The following RUVBL1 variants were observed in gnomAD, a reference collection of about 807,000 sequenced individuals.
The protein encoded by RUVBL1 is RuvB like AAA ATPase 1.
A neutral mutation model predicts 52.4 loss-of-function variants in RUVBL1; 4 were observed. The ratio of observed to expected loss-of-function variants is 0.08; its 90% CI spans 0.04 to 0.17. The LOEUF (loss-of-function observed/expected upper bound fraction) is 0.17. Among genes scored for constraint, RUVBL1 ranks in the 10% least tolerant of loss-of-function variants. The probability of loss-of-function intolerance (pLI) is 1.00; values close to 1 mark genes in which losing one functional copy is unlikely to be tolerated. For synonymous variants in RUVBL1, 217 were observed against 214.4 expected (o/e 1.01, Z -0.10); for missense variants, 298 against 572.8 (o/e 0.52, Z 4.90).
chr3:128,069,916 T>TC, intron 9 of RUVBL1: 3 of 454,174 alleles, frequency 6.6e-6, no homozygotes, highest in Non-Finnish European at 7.9e-6. Flanking sequence ...TGGTATAGGA[T>TC]TGTCCCCAAG....
At chr3:128,121,027 C>T (rs1318960926) in intron 1 of RUVBL1, among the ~76,000 whole-genome samples, 1 of 151,966 alleles carries the variant, frequency 6.6e-6, no homozygotes, top group Admixed American at 6.6e-5. Context: ...TATGCTATAT[C>T]CATCCCATTT....
At chr3:128,139,435 C>T (rs989674848) in intron 1 of RUVBL1, among the ~76,000 whole-genome samples, 10 of 152,104 alleles carry the variant, frequency 6.6e-5, no homozygotes, top group African/African-American at 2.4e-4. Context: ...GGCAAGTAGG[C>T]ATATGAAAAG....
At chr3:128,131,776 T>C (rs1368236640) in intron 1 of RUVBL1, among the ~76,000 whole-genome samples, 1 of 152,106 alleles carries the variant, frequency 6.6e-6, no homozygotes, top group Non-Finnish European at 1.5e-5. Flanking sequence ...CAAAATCCAA[T>C]ACACTTTCAT....
intron 1 of RUVBL1, among the ~76,000 whole-genome samples, chr3:128,136,837 G>A (rs1943955441): frequency 6.6e-6 from 1 of 151,804 alleles, no homozygotes; most frequent in African/African-American, 2.4e-5. Context: ...AATGATAAAG[G>A]GACCAATTCA....
chr3:128,074,911 A>G (rs920288781), intron 9 of RUVBL1, among the ~76,000 whole-genome samples: 2 of 151,636 alleles, frequency 1.3e-5, no homozygotes, highest in Non-Finnish European at 2.9e-5. Context: ...AATTATACAC[A>G]TGCTTAACTA....
In RUVBL1 at chr3:128,082,461, C is replaced by G; in HGVS notation, c.1211+22G>C. The G allele has an allele frequency of 6.3e-7, 1 of 1,598,666 alleles. No homozygotes were observed. Among genetic ancestry groups the G allele is most frequent in the African/African-American group, 1.3e-5 (1 of 74,678 alleles). On this transcript the variant is annotated intron_variant, in intron 10 of 10. Coordinates refer to ENST00000322623, the MANE Select transcript of RUVBL1 (RefSeq NM_003707.3). This position sits in a 1 kb window ranked among gnomAD's most constrained non-coding sequence, Gnocchi z 4.7. ...CCTGGCTGTGCTGGGGAGGCCCCGGCGGGCCCAGGGTACCAGCTCACCTCA... is the reference window on the plus strand; with the variant it reads ...CCTGGCTGTGCTGGGGAGGCCCCGGGGGGCCCAGGGTACCAGCTCACCTCA...
exon 1 of RUVBL1, chr3:128,153,714 C>A: frequency 6.3e-7 from 1 of 1,585,648 alleles, no homozygotes; most frequent in Non-Finnish European, 8.5e-7. Flanking sequence ...CGTCTTTGCC[C>A]GAGTTCCAGG....
At position 128,067,696 on chromosome 3, in the gene RUVBL1, A is replaced by C; in HGVS notation, c.940-2476T>G. On this transcript the variant is annotated intron_variant, in intron 9 of 9. Transcript: ENST00000464873. The surrounding 1 kb of genome is among the most constrained non-coding windows in gnomAD (Gnocchi z 4.1). ...TGGACTTGTCACCTCATCATAAATAATGGTCTGTGACGTGTGCAGATAGAT... is the reference window on the plus strand; with the variant it reads ...TGGACTTGTCACCTCATCATAAATACTGGTCTGTGACGTGTGCAGATAGAT... 1 of 1,133,292 alleles carries C rather than the reference A, an allele frequency of 8.8e-7. No homozygotes were observed. Among genetic ancestry groups the C allele is most frequent in the Non-Finnish European group, 1.3e-6 (1 of 783,378 alleles). The allele number at this position is 1,133,292 out of a possible 1,614,324, so 70.2% of individuals were successfully genotyped here.
chr3:128,107,101 T>G (rs1024338218), intron 3 of RUVBL1, among the ~76,000 whole-genome samples: 9 of 152,310 alleles, frequency 5.9e-5, no homozygotes, highest in Admixed American at 5.9e-4. Flanking sequence ...CCCGGTGAAG[T>G]AAGACCACTG....
At chr3:128,148,941 C>A (rs774846388) in intron 1 of RUVBL1, among the ~76,000 whole-genome samples, 1 of 152,030 alleles carries the variant, frequency 6.6e-6, no homozygotes, top group East Asian at 1.9e-4. Context: ...TACAGTTTTT[C>A]ATTATGGAAA....
intron 3 of RUVBL1, among the ~76,000 whole-genome samples, chr3:128,108,293 T>A (rs1943295974): frequency 6.6e-6 from 1 of 152,150 alleles, no homozygotes; most frequent in Non-Finnish European, 1.5e-5. Flanking sequence ...GCCTTTTTAT[T>A]CTCTGGTAGG....
upstream of RUVBL1, among the ~76,000 whole-genome samples, chr3:128,127,775 TC>T (rs1309386846): frequency 6.6e-6 from 1 of 152,170 alleles, no homozygotes; most frequent in East Asian, 1.9e-4. Flanking sequence ...GGTGGGCAGA[TC>T]ACTTGAGGTC....
upstream of RUVBL1, among the ~76,000 whole-genome samples, chr3:128,125,804 C>T (rs1003883974): frequency 3.3e-5 from 5 of 152,174 alleles, no homozygotes; most frequent in African/African-American, 7.2e-5. Context: ...TTGACTTGTT[C>T]CTGGTCATTA....
At chr3:128,105,046 T>C (rs1943191622) in intron 3 of RUVBL1, 122 bp from the exon 4 acceptor site, 1 of 1,008,878 alleles carries the variant, frequency 9.9e-7, no homozygotes, top group African/African-American at 1.6e-5. Context: ...TTCCAGGGTG[T>C]CATGATGGGT....
In RUVBL1 at chr3:128,081,217, G is replaced by T; in HGVS notation, c.*33C>A. 6.2e-7 allele frequency: 1 copy of T among 1,601,286 alleles called. No homozygotes were observed. The highest frequency in any genetic ancestry group is 8.5e-7 in the Non-Finnish European group (1 of 1,171,090). On this transcript the variant is annotated 3_prime_UTR_variant, in exon 11 of 11. Transcript: ENST00000322623. The surrounding 1 kb of genome is among the most constrained non-coding windows in gnomAD (Gnocchi z 4.8). Reference sequence around the variant, plus strand: ...GCTGGACCCAGGCCAGGCACACCTGGGGAGTCTCTTACTGCTGAAAACCTC... The same window carrying T: ...GCTGGACCCAGGCCAGGCACACCTGTGGAGTCTCTTACTGCTGAAAACCTC...
Position 128,085,557 on chromosome 3 carries a change from G to A in RUVBL1, c.1119+2149C>T, listed in dbSNP as rs114257195. Reference sequence around the variant, plus strand: ...ACCCTTACGTGGCGATGAGGCCCCCGGCCATTGACACCATCTCCTAGGTAA... The same window carrying A: ...ACCCTTACGTGGCGATGAGGCCCCCAGCCATTGACACCATCTCCTAGGTAA... On this transcript the variant is annotated intron_variant, in intron 9 of 10. Coordinates refer to ENST00000322623, the MANE Select transcript of RUVBL1 (RefSeq NM_003707.3). Among the ~76,000 whole-genome samples the A allele has an allele frequency of 2.7e-3, 407 of 152,278 alleles. 3 individuals carry two copies. The highest frequency in any genetic ancestry group is 8.9e-3 in the African/African-American group (371 of 41,568).
At chr3:128,113,064 C>G in intron 2 of RUVBL1, 44 bp from the exon 3 acceptor site, 1 of 1,602,004 alleles carries the variant, frequency 6.2e-7, no homozygotes, top group Non-Finnish European at 8.5e-7. Context: ...GTCCTGAAAA[C>G]ATGACAGTTC....
At chr3:128,102,519 A>G (rs1051381154) in intron 4 of RUVBL1, among the ~76,000 whole-genome samples, 2 of 152,270 alleles carry the variant, frequency 1.3e-5, no homozygotes, top group African/African-American at 4.8e-5. Context: ...TATGGTGGAA[A>G]AAAAACTTGG....
rs34444238 is a variant in RUVBL1, at chr3:128,149,189, C to CT, written c.-40+4013dup. Among the ~76,000 whole-genome samples, 552 of 132,938 alleles carry CT rather than the reference C, an allele frequency of 4.2e-3. 5 individuals are homozygous for CT. Among genetic ancestry groups the CT allele is most frequent in the East Asian group, 0.027 (124 of 4,614 alleles). The allele number at this position is 132,938 out of a possible 152,430, so 87.2% of individuals were successfully genotyped here. A position where few individuals can be genotyped will look rare whatever the true frequency, so the allele number is the denominator to read the frequency against. Reference sequence around the variant, plus strand: ...TCTCTTCTTTCCTCTTTCTTTCTTTCTTTTTTTTTTTTTTTGACAGAGCAA... The same window carrying CT: ...TCTCTTCTTTCCTCTTTCTTTCTTTCTTTTTTTTTTTTTTTTGACAGAGCAA... On this transcript the variant is annotated intron_variant, in intron 1 of 9. Transcript: ENST00000464873.
Sources: allele counts gnomAD v4.1 joint callset (sites outside exome capture counted in the v4.1 genomes callset), GRCh38; gene constraint gnomAD v4.1.1; non-coding constraint Gnocchi (gnomAD v3.1); transcripts MANE v1.5; gene names NCBI Gene and HGNC (gene_info 2026-07-23, HGNC 2026-07-21).